Variants in PCNX2 observed in about 807,000 individuals in gnomAD.
PCNX2 encodes the protein pecanex-like protein 2.
In PCNX2, 168 loss-of-function variants were observed where a neutral mutation model predicts 223.8. That is an observed-to-expected ratio of 0.75 (90% CI 0.66 to 0.85). The LOEUF (loss-of-function observed/expected upper bound fraction) is 0.85. PCNX2 is among the 40% of genes least tolerant of loss of function. The probability of loss-of-function intolerance (pLI) is 0.00; values close to 1 mark genes in which losing one functional copy is unlikely to be tolerated. For synonymous variants in PCNX2, 1,006 were observed against 1,052.6 expected, an observed-to-expected ratio of 0.96 and a Z score of 0.86; for missense variants, 2,507 against 2,675.5, an observed-to-expected ratio of 0.94 and a Z score of 1.39.
At chr1:233,046,448 C>G (rs942039231) in intron 25 of PCNX2, among the ~76,000 whole-genome samples, 3 of 152,156 alleles carry the variant, frequency 2.0e-5, no homozygotes, top group Admixed American at 2.0e-4. Flanking sequence ...ATTCTTCCCA[C>G]AATAAAAGCA....
intron 17 of PCNX2, among the ~76,000 whole-genome samples, chr1:233,169,725 C>T (rs528982952): frequency 1.3e-5 from 2 of 150,202 alleles, no homozygotes; most frequent in Non-Finnish European, 3.0e-5. Flanking sequence ...ATAAAGTGAA[C>T]ACCTCTGTAA....
At chr1:233,071,204 C>T (rs1672839929) in intron 23 of PCNX2, among the ~76,000 whole-genome samples, 1 of 152,082 alleles carries the variant, frequency 6.6e-6, no homozygotes, top group African/African-American at 2.4e-5. Context: ...CATACGCAGA[C>T]TTGTCATATA....
the PCNX2 span, among the ~76,000 whole-genome samples, chr1:233,308,850 CAAAT>C: frequency 9.2e-5 from 14 of 151,776 alleles, no homozygotes; most frequent in African/African-American, 3.1e-4. Context: ...GTAAAAGAAA[CAAAT>C]GAAGCACAAA....
In PCNX2 at chr1:233,031,293, C is replaced by T. The variant is rs374769216; in HGVS notation, c.4352-5894G>A. ...GCCTTAATTAAAACACAAAACATTT[C>T]GCTTCACCCACTCCCACCCCTATTC... On this transcript the variant is annotated intron_variant, in intron 25 of 33. Transcript: ENST00000258229. 4.6e-5 allele frequency among the ~76,000 whole-genome samples: 7 copies of T among 152,308 alleles called. No homozygotes were observed. The East Asian group carries it at 5.8e-4, about 13-fold the overall frequency.
chr1:233,218,492 T>C (rs1049979663), intron 10 of PCNX2, among the ~76,000 whole-genome samples: 4 of 152,072 alleles, frequency 2.6e-5, no homozygotes, highest in Non-Finnish European at 4.4e-5. Context: ...CCTCATGATC[T>C]GCCCTCCTTG....
At chr1:233,309,531 A>G in the PCNX2 span, among the ~76,000 whole-genome samples, 1 of 138,128 alleles carries the variant, frequency 7.2e-6, no homozygotes, top group African/African-American at 2.7e-5. Flanking sequence ...ACAGAGTGAG[A>G]CTCCCTCAAA....
At chr1:233,250,357 C>T (rs142974914) in intron 8 of PCNX2, among the ~76,000 whole-genome samples, 2 of 152,214 alleles carry the variant, frequency 1.3e-5, no homozygotes, top group Admixed American at 6.5e-5. Flanking sequence ...AAACAGTTTG[C>T]CTTTATTACT....
intron 1 of PCNX2, among the ~76,000 whole-genome samples, chr1:233,278,226 T>C (rs1013570929): frequency 1.3e-5 from 2 of 152,172 alleles, no homozygotes; most frequent in African/African-American, 4.8e-5. Context: ...AGCCCTGGCC[T>C]CCCACACACC....
intron 8 of PCNX2, chr1:233,241,264 T>C: frequency 4.1e-6 from 4 of 985,430 alleles, no homozygotes; most frequent in South Asian, 4.7e-5. Context: ...GGGACCTGAC[T>C]GCCATCATGT....
At chr1:233,050,113 A>G (rs1188875240) in intron 25 of PCNX2, among the ~76,000 whole-genome samples, 2 of 152,108 alleles carry the variant, frequency 1.3e-5, no homozygotes, top group African/African-American at 4.8e-5. Context: ...GGGGAGGGAT[A>G]GCATTAGGAG....
At chr1:233,077,125 G>A (rs979353090) in intron 23 of PCNX2, among the ~76,000 whole-genome samples, 5 of 152,128 alleles carry the variant, frequency 3.3e-5, no homozygotes, top group African/African-American at 7.2e-5. Context: ...CTTTAGCCTT[G>A]TAACAGACCA....
intron 25 of PCNX2, among the ~76,000 whole-genome samples, chr1:233,030,495 A>C (rs1671224989): frequency 6.6e-6 from 1 of 152,092 alleles, no homozygotes. Flanking sequence ...GATATCATTG[A>C]TATTATAGTC....
chr1:233,293,134 C>A (rs559226849), intron 1 of PCNX2, among the ~76,000 whole-genome samples: 22 of 152,086 alleles, frequency 1.4e-4, no homozygotes, highest in African/African-American at 5.3e-4. Flanking sequence ...TCTGACCATA[C>A]GTAGACATCA....
the PCNX2 span, among the ~76,000 whole-genome samples, chr1:233,320,915 T>C: frequency 6.6e-6 from 1 of 152,176 alleles, no homozygotes; most frequent in Admixed American, 6.5e-5. Context: ...ATCCTGGTTG[T>C]TGCTTGGAAG....
chr1:233,247,506 T>C (rs1659192293), intron 8 of PCNX2, among the ~76,000 whole-genome samples: 1 of 152,220 alleles, frequency 6.6e-6, no homozygotes, highest in Admixed American at 6.5e-5. Context: ...TTGTTTTTTG[T>C]AGAGATGGAG....
intron 20 of PCNX2, among the ~76,000 whole-genome samples, chr1:233,135,498 G>C (rs1343899555): frequency 6.6e-6 from 1 of 152,172 alleles, no homozygotes; most frequent in Non-Finnish European, 1.5e-5. Context: ...GCTTTTCAAA[G>C]TCCCTCATGT....
intron 26 of PCNX2, among the ~76,000 whole-genome samples, chr1:233,023,960 T>C (rs1670995497): frequency 6.6e-6 from 1 of 152,240 alleles, no homozygotes; most frequent in Admixed American, 6.5e-5. Flanking sequence ...TTACCCAGGC[T>C]GGAGTGCAGT....
intron 1 of PCNX2, among the ~76,000 whole-genome samples, chr1:233,287,724 G>C (rs1661526188): frequency 6.6e-6 from 1 of 152,192 alleles, no homozygotes; most frequent in South Asian, 2.1e-4. Flanking sequence ...CCTGTTAGAA[G>C]TGATATGGCT....
upstream of PCNX2, among the ~76,000 whole-genome samples, chr1:233,300,000 C>G (rs1475358588): frequency 3.3e-5 from 5 of 152,212 alleles, no homozygotes; most frequent in South Asian, 1.0e-3. Flanking sequence ...TCTCTGAACT[C>G]ATCTCTGAAA....
Sources: allele counts gnomAD v4.1 joint callset (sites outside exome capture counted in the v4.1 genomes callset), GRCh38; gene constraint gnomAD v4.1.1; transcripts MANE v1.5; gene names NCBI Gene and HGNC (gene_info 2026-07-23, HGNC 2026-07-21).